The following AGAP1 variants were observed in gnomAD, a reference collection of about 807,000 sequenced individuals.
The protein encoded by AGAP1 is arf-GAP with GTPase, ANK repeat and PH domain-containing protein 1.
AGAP1 carries 29 observed loss-of-function variants against 105.3 expected under a neutral mutation model. The ratio of observed to expected loss-of-function variants is 0.28; its 90% CI spans 0.21 to 0.38. The LOEUF (loss-of-function observed/expected upper bound fraction) is 0.38. Among genes scored for constraint, AGAP1 ranks in the 10% least tolerant of loss-of-function variants. The probability of loss-of-function intolerance (pLI) is 1.00; values close to 1 mark genes in which losing one functional copy is unlikely to be tolerated. For synonymous variants in AGAP1, 509 were observed against 485.9 expected, an observed-to-expected ratio of 1.05 and a Z score of -0.63; for missense variants, 998 against 1,165.1, an observed-to-expected ratio of 0.86 and a Z score of 2.09.
In AGAP1 at chr2:235,976,371, C is replaced by T. The variant is rs973198211; in HGVS notation, c.1645+7748C>T. ...GCCATCCTGCAGGGTACAGTCCGGCCGCCACAAACACACACAAGCAGTAAG... is the reference window on the plus strand; with the variant it reads ...GCCATCCTGCAGGGTACAGTCCGGCTGCCACAAACACACACAAGCAGTAAG... On this transcript the variant is annotated intron_variant, in intron 13 of 17. Coordinates refer to ENST00000304032, the MANE Select transcript of AGAP1 (RefSeq NM_001037131.3). This position sits in a 1 kb window ranked among gnomAD's most constrained non-coding sequence, Gnocchi z 4.5. Among the ~76,000 whole-genome samples the T allele has an allele frequency of 1.1e-4, 17 of 152,182 alleles. No homozygotes were observed. The highest frequency in any genetic ancestry group is 6.2e-4 in the South Asian group (3 of 4,812).
intron 1 of AGAP1, among the ~76,000 whole-genome samples, chr2:235,543,610 C>T (rs753323106): frequency 3.9e-5 from 6 of 152,172 alleles, no homozygotes; most frequent in Non-Finnish European, 5.9e-5. Context: ...GGAGCTGTGG[C>T]GCAGGTGCCT....
chr2:235,783,448 A>G (rs1956404241), intron 6 of AGAP1: 6 of 466,406 alleles, frequency 1.3e-5, no homozygotes, highest in South Asian at 6.3e-5. Context: ...CCATGTTCTC[A>G]TAGAGTCCTG....
chr2:235,924,114 C>T (rs55747393), intron 11 of AGAP1, among the ~76,000 whole-genome samples: 45,479 of 151,978 alleles, frequency 0.3, 8,106 homozygotes, highest in Admixed American at 0.45. Flanking sequence ...CCTGTCTCAC[C>T]AGTCTGTTCA....
intron 1 of AGAP1, among the ~76,000 whole-genome samples, chr2:235,657,753 G>A (rs779098881): frequency 6.6e-6 from 1 of 152,164 alleles, no homozygotes; most frequent in Non-Finnish European, 1.5e-5. Flanking sequence ...GAATGTGTGT[G>A]TTTTAAGTCC....
chr2:235,563,055 A>G (rs1559250403), intron 1 of AGAP1, among the ~76,000 whole-genome samples: 1 of 152,196 alleles, frequency 6.6e-6, no homozygotes, highest in Non-Finnish European at 1.5e-5. Flanking sequence ...ATCTCAAAAA[A>G]TAATTAAAAT....
Position 236,096,719 on chromosome 2 carries a change from C to G in AGAP1, c.2115-23473C>G, listed in dbSNP as rs2059201086. ...TCGGCCTCCTGAGTAGCTGGGATTA[C>G]AGGTGCCCACCACCACACCCAGCTA... On this transcript the variant is annotated intron_variant, in intron 16 of 17. Coordinates refer to ENST00000304032, the MANE Select transcript of AGAP1 (RefSeq NM_001037131.3). The surrounding 1 kb of genome is among the most constrained non-coding windows in gnomAD (Gnocchi z 4.4). 6.6e-6 allele frequency among the ~76,000 whole-genome samples: 1 copy of G among 151,722 alleles called. No homozygotes were observed. The highest frequency in any genetic ancestry group is 6.6e-5 in the Admixed American group (1 of 15,230).
intron 1 of AGAP1, among the ~76,000 whole-genome samples, chr2:235,565,712 G>A (rs936188757): frequency 3.9e-5 from 6 of 152,154 alleles, no homozygotes; most frequent in African/African-American, 1.2e-4. Context: ...CCGGGGTGGA[G>A]TGTAGTGGCA....
intron 9 of AGAP1, among the ~76,000 whole-genome samples, chr2:235,809,561 A>C (rs556882438): frequency 6.6e-6 from 1 of 152,266 alleles, no homozygotes; most frequent in African/African-American, 2.4e-5. Flanking sequence ...TTAGATGTGG[A>C]GGTTCCACAG....
intron 13 of AGAP1, among the ~76,000 whole-genome samples, chr2:236,006,355 A>G (rs966796063): frequency 4.6e-5 from 7 of 152,200 alleles, no homozygotes; most frequent in African/African-American, 1.7e-4. Flanking sequence ...GGAGAATGGT[A>G]TTAGAAACCA....
At chr2:235,640,639 G>T (rs974845642) in intron 1 of AGAP1, among the ~76,000 whole-genome samples, 1 of 152,170 alleles carries the variant, frequency 6.6e-6, no homozygotes, top group African/African-American at 2.4e-5. Flanking sequence ...CATGAATGGG[G>T]CTGGCCTCCC....
Position 235,908,949 on chromosome 2 carries a change from A to C in AGAP1, c.1324+43A>C. On this transcript the variant is annotated intron_variant, in intron 11 of 17. Coordinates refer to ENST00000304032, the MANE Select transcript of AGAP1 (RefSeq NM_001037131.3). The surrounding 1 kb of genome is among the most constrained non-coding windows in gnomAD (Gnocchi z 4.4). ...GCACTAACAAATCAAGTTCAACAGC[A>C]ACAGGTGGTCCAGGCTCGAGGATAA... 1 of 1,579,864 alleles carries C rather than the reference A, an allele frequency of 6.3e-7. No individual in the cohort carries two copies. Among genetic ancestry groups the C allele is most frequent in the Non-Finnish European group, 8.7e-7 (1 of 1,153,404 alleles).
chr2:236,128,303 G>A lies in AGAP1; in HGVS notation c.*4181G>A, dbSNP rs546764373. 3.3e-5 allele frequency: 5 copies of A among 152,578 alleles called. No individual in the cohort carries two copies. The South Asian group carries it at 6.2e-4, about 19-fold the overall frequency. 9.5% of individuals were successfully genotyped at this position (152,578 alleles called of 1,614,324 possible). A position where few individuals can be genotyped will look rare whatever the true frequency, so the allele number is the denominator to read the frequency against. ...CGTGCTGTTCGCTGGTGCTGATCAGGGCCAAGACGACCCTTCCCTCTCCCC... is the reference window on the plus strand; with the variant it reads ...CGTGCTGTTCGCTGGTGCTGATCAGAGCCAAGACGACCCTTCCCTCTCCCC... On this transcript the variant is annotated 3_prime_UTR_variant, in exon 18 of 18. Transcript: ENST00000304032. This position sits in a 1 kb window ranked among gnomAD's most constrained non-coding sequence, Gnocchi z 5.9.
At position 235,609,809 on chromosome 2, in the gene AGAP1, G is replaced by A. The variant is rs888105544; in HGVS notation, c.164-99370G>A. Among the ~76,000 whole-genome samples, 5 of 152,026 alleles carry A rather than the reference G, an allele frequency of 3.3e-5. No homozygotes were observed. Among genetic ancestry groups the A allele is most frequent in the African/African-American group, 1.2e-4 (5 of 41,394 alleles). On this transcript the variant is annotated intron_variant, in intron 1 of 17. Transcript: ENST00000304032. The surrounding 1 kb of genome is among the most constrained non-coding windows in gnomAD (Gnocchi z 5.1). ...CAGAAAGTGTAGTGGGAGGCTGTGG[G>A]CATATTTGGCGCTTGGCAGGATTGA... is the stretch of plus-strand genomic sequence containing the variant.
rs1267751660 is a variant in AGAP1 at position 236,046,261 on chromosome 2, G to C, written c.1892-2798G>C. Among the ~76,000 whole-genome samples, 2 of 152,196 alleles carry C rather than the reference G, an allele frequency of 1.3e-5. No homozygotes were observed. The highest frequency in any genetic ancestry group is 3.9e-4 in the East Asian group (2 of 5,192). ...CTGGATGCTGGGACATAAGGGAGCA[G>C]GAGAGGTGCTAGGTTTTGAGCGGTG... On this transcript the variant is annotated intron_variant, in intron 15 of 17. Coordinates refer to ENST00000304032, the MANE Select transcript of AGAP1 (RefSeq NM_001037131.3). The surrounding 1 kb of genome is among the most constrained non-coding windows in gnomAD (Gnocchi z 5.2).
intron 16 of AGAP1, among the ~76,000 whole-genome samples, chr2:236,116,831 T>C (rs991140171): frequency 4.6e-5 from 7 of 151,874 alleles, no homozygotes; most frequent in Non-Finnish European, 1.0e-4. Context: ...CTCCCACGTA[T>C]CAGTGAGAAC....
At position 235,741,369 on chromosome 2, in the gene AGAP1, G is replaced by T. The variant is rs12468145; in HGVS notation, c.396+321G>T. The stretch of plus-strand genomic sequence containing the variant: ...GACATCTGGAAATTTCTGTCGTTTG[G>T]TTTGTTTTTTGGCCTTTTCCTTTGA... On this transcript the variant is annotated intron_variant, in intron 4 of 17. Transcript: ENST00000304032. The surrounding 1 kb of genome is among the most constrained non-coding windows in gnomAD (Gnocchi z 4.9). Among the ~76,000 whole-genome samples, 4 of 152,204 alleles carry T rather than the reference G, an allele frequency of 2.6e-5. No homozygotes were observed. The highest frequency in any genetic ancestry group is 2.6e-4 in the Admixed American group (4 of 15,278).
rs543479608 is a variant in AGAP1, at chr2:235,732,146, T to G, written c.311-8817T>G. Among the ~76,000 whole-genome samples, 1 of 152,354 alleles carries G rather than the reference T, an allele frequency of 6.6e-6. No homozygotes were observed. Among genetic ancestry groups the G allele is most frequent in the South Asian group, 2.1e-4 (1 of 4,824 alleles). On this transcript the variant is annotated intron_variant, in intron 3 of 17. Transcript: ENST00000304032. This position sits in a 1 kb window ranked among gnomAD's most constrained non-coding sequence, Gnocchi z 4.8. The stretch of plus-strand genomic sequence containing the variant: ...CGTCTCAGGAACATTCCTTTGTCTT[T>G]TATCTTCGAATAGTCTTTGAGTTCT...
intron 11 of AGAP1, among the ~76,000 whole-genome samples, chr2:235,910,289 G>GTCGCTGAGCT (rs1354949212): frequency 1.5e-4 from 1 of 6,818 alleles, no homozygotes; most frequent in Non-Finnish European, 2.4e-4. Flanking sequence ...CTGTGTTGCA[G>GTCGCTGAGCT]GGGGGCGGTG....
At chr2:235,857,494 GC>G (rs962140675) in intron 9 of AGAP1, among the ~76,000 whole-genome samples, 2 of 152,156 alleles carry the variant, frequency 1.3e-5, no homozygotes, top group Admixed American at 1.3e-4. Context: ...CCCTCCCGTT[GC>G]TCACAGTGTG....
Sources: allele counts gnomAD v4.1 joint callset (sites outside exome capture counted in the v4.1 genomes callset), GRCh38; gene constraint gnomAD v4.1.1; non-coding constraint Gnocchi (gnomAD v3.1); transcripts MANE v1.5; gene names NCBI Gene and HGNC (gene_info 2026-07-23, HGNC 2026-07-21).